Variants in PCDHB14 observed in about 807,000 individuals in gnomAD.
PCDHB14 encodes the protein protocadherin beta 14.
For missense variants in PCDHB14, 1,129 were observed against 1,000.5 expected, an observed-to-expected ratio of 1.13 and a Z score of -1.73; for synonymous variants, 511 against 441.5, an observed-to-expected ratio of 1.16 and a Z score of -1.97.
Position 141,224,452 on chromosome 5 carries a change from C to T in PCDHB14, c.947C>T (p.Thr316Ile), listed in dbSNP as rs2149685802. 2 of 1,611,372 alleles carry T rather than the reference C, an allele frequency of 1.2e-6. No individual in the cohort carries two copies. Among genetic ancestry groups the T allele is most frequent in the South Asian group, 2.2e-5 (2 of 90,582 alleles). ...GATTTTGAAGTAATACAGTCCTACACTATAAATATTCAGGCAACAGATGGT... is the reference window on the plus strand; with the variant it reads ...GATTTTGAAGTAATACAGTCCTACATTATAAATATTCAGGCAACAGATGGT... ...PLDFEVIQSYTINIQATDGGG... is the reference protein window; with the variant it reads ...PLDFEVIQSYIINIQATDGGG... Residue 316 changes from threonine to isoleucine, a missense_variant, in exon 1 of 1, where the codon ACT becomes ATT. Thr to Ile is a moderately conservative substitution (Grantham distance 89). Transcript: ENST00000239449.
chr5:141,226,008 AT>A lies in PCDHB14; in HGVS notation c.*108del. The A allele has an allele frequency of 1.0e-6, 1 of 966,978 alleles. No individual in the cohort carries two copies. Among genetic ancestry groups the A allele is most frequent in the Non-Finnish European group, 1.5e-6 (1 of 650,734 alleles). The allele number at this position is 966,978 out of a possible 1,614,324, so 59.9% of individuals were successfully genotyped here. On this transcript the variant is annotated 3_prime_UTR_variant, in exon 1 of 1. Transcript: ENST00000239449. ...TGGTTGTACTGTAGTTGCATGCATGATTATAGCTCTTGTTTTTCTCACAGTT... is the reference window on the plus strand; with the variant it reads ...TGGTTGTACTGTAGTTGCATGCATGATATAGCTCTTGTTTTTCTCACAGTT...
chr5:141,224,504 T>G lies in PCDHB14; in HGVS notation c.999T>G (p.Leu333=). 6.2e-7 allele frequency: 1 copy of G among 1,613,522 alleles called. No individual in the cohort carries two copies. Residue 333 remains leucine (L), a synonymous_variant, in exon 1 of 1, where the codon CTT becomes CTG. Coordinates refer to ENST00000239449, the MANE Select transcript of PCDHB14 (RefSeq NM_018934.4). ...DGGGLSGKCT[L]LVKVMDINDN... is the part of the protein sequence containing the mutation. Reference sequence around the variant, plus strand: ...GGGGTCTTTCAGGAAAATGCACCCTTCTAGTTAAAGTTATGGATATAAACG... The same window carrying G: ...GGGGTCTTTCAGGAAAATGCACCCTGCTAGTTAAAGTTATGGATATAAACG...
In PCDHB14 at chr5:141,223,454, C is replaced by A; in HGVS notation, c.-52C>A. The stretch of plus-strand genomic sequence containing the variant: ...TGTTAAAAACCAGAGCTTCAGCTTC[C>A]AAAATTACGGCTGAGCTTCAGTTTT... On this transcript the variant is annotated 5_prime_UTR_variant, in exon 1 of 1. Coordinates refer to ENST00000239449, the MANE Select transcript of PCDHB14 (RefSeq NM_018934.4). 1 of 1,423,634 alleles carries A rather than the reference C, an allele frequency of 7.0e-7. No homozygotes were observed. The highest frequency in any genetic ancestry group is 9.6e-7 in the Non-Finnish European group (1 of 1,038,850). 88.2% of individuals were successfully genotyped at this position (1,423,634 alleles called of 1,614,324 possible).
chr5:141,224,930 C>T lies in PCDHB14; in HGVS notation c.1425C>T (p.Ala475=), dbSNP rs1400615723. 382 of 1,612,796 alleles carry T rather than the reference C, an allele frequency of 2.4e-4. No homozygotes were observed. Among genetic ancestry groups the T allele is most frequent in the Admixed American group, 6.2e-4 (37 of 60,008 alleles). The change falls in exon 1 of 1, where the codon GCC becomes GCT. Residue 475 remains alanine, a synonymous_variant. Transcript: ENST00000239449. ...SPALHIGSVS[A]TDRDSGTNAQ... is the part of the protein sequence containing the mutation. The stretch of plus-strand genomic sequence containing the variant: ...CCCTGCACATCGGCAGCGTCAGCGC[C>T]ACAGACAGAGACTCAGGCACCAACG...
Position 141,225,946 on chromosome 5 carries a change from G to A in PCDHB14, c.*44G>A. On this transcript the variant is annotated 3_prime_UTR_variant, in exon 1 of 1. Coordinates refer to ENST00000239449, the MANE Select transcript of PCDHB14 (RefSeq NM_018934.4). ...TCTAATTTTTGGTTATTCTTGGCAA[G>A]CTGATGGTACTTTTTGCATAATCTT... The A allele has an allele frequency of 6.6e-7, 1 of 1,515,556 alleles. No homozygotes were observed. The highest frequency in any genetic ancestry group is 9.0e-7 in the Non-Finnish European group (1 of 1,112,806). 93.9% of individuals were successfully genotyped at this position (1,515,556 alleles called of 1,614,324 possible).
chr5:141,224,212 A>G lies in PCDHB14; in HGVS notation c.707A>G (p.Asn236Ser), dbSNP rs782558923. The change falls in exon 1 of 1, where the codon AAT (asparagine) becomes AGT (serine). Residue 236 changes from asparagine to serine, a missense_variant. Coordinates refer to ENST00000239449, the MANE Select transcript of PCDHB14 (RefSeq NM_018934.4). Reference sequence around the variant, plus strand: ...GTTCTCATCAAGGTGTTGGACATCAATGATAATGCCCCTGAGTTTCCTCAG... The same window carrying G: ...GTTCTCATCAAGGTGTTGGACATCAGTGATAATGCCCCTGAGTTTCCTCAG... ...TLVLIKVLDINDNAPEFPQSL... is the reference protein window; with the variant it reads ...TLVLIKVLDISDNAPEFPQSL... 46 of 1,613,790 alleles carry G rather than the reference A, an allele frequency of 2.9e-5. No homozygotes were observed. Among genetic ancestry groups the G allele is most frequent in the Non-Finnish European group, 3.4e-5 (40 of 1,179,896 alleles).
Position 141,225,590 on chromosome 5 carries a change from C to T in PCDHB14, c.2085C>T (p.Ala695=), listed in dbSNP as rs4080545. ...CCGTCTACCTGGTGGTGGCATTGGC[C>T]TCGGTGTCGTCGCTCTTCCTCTTCT... The part of the protein sequence containing the change: ...SLTVYLVVAL[A]SVSSLFLFSV... The change falls in exon 1 of 1, where the codon GCC becomes GCT. Residue 695 remains alanine, a synonymous_variant. Coordinates refer to ENST00000239449, the MANE Select transcript of PCDHB14 (RefSeq NM_018934.4). 1 of 1,611,538 alleles carries T rather than the reference C, an allele frequency of 6.2e-7. No individual in the cohort carries two copies. Among genetic ancestry groups the T allele is most frequent in the Non-Finnish European group, 8.5e-7 (1 of 1,179,820 alleles).
chr5:141,224,515 T>C lies in PCDHB14; in HGVS notation c.1010T>C (p.Val337Ala). The C allele has an allele frequency of 6.2e-7, 1 of 1,612,972 alleles. No individual in the cohort carries two copies. Among genetic ancestry groups the C allele is most frequent in the African/African-American group, 1.3e-5 (1 of 74,904 alleles). Residue 337 changes from valine to alanine, a missense_variant, in exon 1 of 1, where the codon GTT becomes GCT. Val to Ala is a moderately conservative substitution (Grantham distance 64, BLOSUM62 0). Coordinates refer to ENST00000239449, the MANE Select transcript of PCDHB14 (RefSeq NM_018934.4). ...GGAAAATGCACCCTTCTAGTTAAAG[T>C]TATGGATATAAACGACAACCCACCA... ...LSGKCTLLVK[V>A]MDINDNPPEV... is the part of the protein sequence containing the mutation.
Position 141,224,808 on chromosome 5 carries a change from T to C in PCDHB14, c.1303T>C (p.Tyr435His), listed in dbSNP as rs781996013. The C allele has an allele frequency of 2.0e-5, 33 of 1,613,586 alleles. No individual in the cohort carries two copies. The Admixed American group carries it at 3.3e-4, about 16-fold the overall frequency. ...DLGTPRLKTE[Y>H]NITVLLSDVN... ...GGGGACACCCAGGCTGAAAACCGAG[T>C]ACAACATAACCGTGCTGCTCTCTGA... The change falls in exon 1 of 1, where the codon TAC becomes CAC. Residue 435 changes from tyrosine (Y) to histidine (H), a missense_variant. Tyr to His is a moderately conservative substitution (Grantham distance 83). Transcript: ENST00000239449.
At position 141,224,358 on chromosome 5, in the gene PCDHB14, T is replaced by A; in HGVS notation, c.853T>A (p.Ser285Thr). ...GKISYTFFHA[S>T]EDIRKTFEIN... ...AATATCTTACACATTTTTCCATGCA[T>A]CAGAAGATATTCGTAAAACATTTGA... The change falls in exon 1 of 1, where the codon TCA (serine) becomes ACA (threonine). Residue 285 changes from serine to threonine, a missense_variant. Transcript: ENST00000239449. 2 of 1,610,368 alleles carry A rather than the reference T, an allele frequency of 1.2e-6. No individual in the cohort carries two copies. Among genetic ancestry groups the A allele is most frequent in the South Asian group, 2.2e-5 (2 of 90,082 alleles).
At position 141,225,178 on chromosome 5, in the gene PCDHB14, C is replaced by T; in HGVS notation, c.1673C>T (p.Ser558Leu). 6.2e-7 allele frequency: 1 copy of T among 1,610,504 alleles called. No homozygotes were observed. Among genetic ancestry groups the T allele is most frequent in the Non-Finnish European group, 8.5e-7 (1 of 1,179,538 alleles). Residue 558 changes from serine to leucine, a missense_variant, in exon 1 of 1, where the codon TCG becomes TTG. Physicochemically the swap from Ser to Leu is moderately radical, Grantham distance 145. Coordinates refer to ENST00000239449, the MANE Select transcript of PCDHB14 (RefSeq NM_018934.4). The part of the protein sequence containing the change: ...RVLVLDANDN[S>L]PFVLYPLQNG... ...CTGGTGCTGGACGCCAACGACAACT[C>T]GCCCTTCGTGCTGTACCCGCTGCAG...
chr5:141,223,633 C>CT lies in PCDHB14; in HGVS notation c.132dup (p.Val45CysfsTer3). 1 of 1,614,134 alleles carries CT rather than the reference C, an allele frequency of 6.2e-7. No individual in the cohort carries two copies. Among genetic ancestry groups the CT allele is most frequent in the Non-Finnish European group, 8.5e-7 (1 of 1,180,020 alleles). On this transcript the variant is annotated frameshift_variant, in exon 1 of 1. Coordinates refer to ENST00000239449, the MANE Select transcript of PCDHB14 (RefSeq NM_018934.4). LOFTEE classifies it low-confidence loss of function (END_TRUNC). ...GTGGCAGAGGAAACAGAAATTGGCTCTTTTGTGGCTAATCTAGCGAGGGAC... is the reference window on the plus strand; with the variant it reads ...GTGGCAGAGGAAACAGAAATTGGCTCTTTTTGTGGCTAATCTAGCGAGGGAC...
Position 141,225,073 on chromosome 5 carries a change from C to G in PCDHB14, c.1568C>G (p.Ala523Gly), listed in dbSNP as rs1754815386. 1 of 1,612,402 alleles carries G rather than the reference C, an allele frequency of 6.2e-7. No homozygotes were observed. The highest frequency in any genetic ancestry group is 8.5e-7 in the Non-Finnish European group (1 of 1,179,892). ...LFALRSLDYE[A>G]LQEFEFRVGA... ...GCCCTCAGGTCGCTGGACTACGAGGCCCTACAGGAGTTCGAGTTTCGCGTG... is the reference window on the plus strand; with the variant it reads ...GCCCTCAGGTCGCTGGACTACGAGGGCCTACAGGAGTTCGAGTTTCGCGTG... Residue 523 changes from alanine to glycine, a missense_variant, in exon 1 of 1, where the codon GCC (alanine) becomes GGC (glycine). Coordinates refer to ENST00000239449, the MANE Select transcript of PCDHB14 (RefSeq NM_018934.4).
In PCDHB14 at chr5:141,225,492, G is replaced by A. The variant is rs782423018; in HGVS notation, c.1987G>A (p.Val663Met). The stretch of plus-strand genomic sequence containing the variant: ...CACCGCCACGCTGCACGTGCTCCTG[G>A]TGGACGGCTTCTCCCAGCCCTACCT... ...SATATLHVLL[V>M]DGFSQPYLPL... The change falls in exon 1 of 1, where the codon GTG becomes ATG. Residue 663 changes from valine to methionine, a missense_variant. By Grantham distance (21) the Val-to-Met change is conservative. Coordinates refer to ENST00000239449, the MANE Select transcript of PCDHB14 (RefSeq NM_018934.4). The A allele has an allele frequency of 4.4e-6, 7 of 1,606,778 alleles. No individual in the cohort carries two copies. Among genetic ancestry groups the A allele is most frequent in the Middle Eastern group, 2.1e-4 (1 of 4,778 alleles).
In PCDHB14 at chr5:141,226,028, C is replaced by T; in HGVS notation, c.*126C>T. On this transcript the variant is annotated 3_prime_UTR_variant, in exon 1 of 1. Transcript: ENST00000239449. ...GCATGATTATAGCTCTTGTTTTTCT[C>T]ACAGTTTCTTTAAAAATCTTTATTA... 1 of 856,400 alleles carries T rather than the reference C, an allele frequency of 1.2e-6. No homozygotes were observed. The highest frequency in any genetic ancestry group is 1.8e-6 in the Non-Finnish European group (1 of 562,246). The allele number at this position is 856,400 out of a possible 1,614,324, so 53.1% of individuals were successfully genotyped here.
chr5:141,224,683 T>A lies in PCDHB14; in HGVS notation c.1178T>A (p.Leu393Gln), dbSNP rs782511900. ...CSIQDNLPFF[L>Q]KPTFKNFFTL... is the part of the protein sequence containing the mutation. Reference sequence around the variant, plus strand: ...ATTCAAGATAACCTCCCTTTTTTCCTGAAACCGACCTTCAAGAACTTTTTC... The same window carrying A: ...ATTCAAGATAACCTCCCTTTTTTCCAGAAACCGACCTTCAAGAACTTTTTC... Residue 393 changes from leucine to glutamine, a missense_variant, in exon 1 of 1, where the codon CTG (leucine) becomes CAG (glutamine). Transcript: ENST00000239449. 1 of 1,614,146 alleles carries A rather than the reference T, an allele frequency of 6.2e-7. No homozygotes were observed. The highest frequency in any genetic ancestry group is 2.2e-5 in the East Asian group (1 of 44,868).
Position 141,226,015 on chromosome 5 carries a change from C to A in PCDHB14, c.*113C>A. The A allele has an allele frequency of 1.1e-6, 1 of 928,356 alleles. No homozygotes were observed. The highest frequency in any genetic ancestry group is 1.8e-5 in the South Asian group (1 of 54,440). The allele number at this position is 928,356 out of a possible 1,614,324, so 57.5% of individuals were successfully genotyped here. ...ACTGTAGTTGCATGCATGATTATAG[C>A]TCTTGTTTTTCTCACAGTTTCTTTA... is the stretch of plus-strand genomic sequence containing the variant. On this transcript the variant is annotated 3_prime_UTR_variant, in exon 1 of 1. Transcript: ENST00000239449.
Position 141,224,294 on chromosome 5 carries a change from C to G in PCDHB14, c.789C>G (p.Thr263=). The change falls in exon 1 of 1, where the codon ACC becomes ACG. Residue 263 remains threonine (T), a synonymous_variant. Transcript: ENST00000239449. ...GACCCCTTGGCTCCTGGATTGCCAC[C>G]ATCTCAGCTAAGGATCTGGATGCAG... ...EDRPLGSWIA[T]ISAKDLDAGN... is the part of the protein sequence containing the mutation. 6.2e-7 allele frequency: 1 copy of G among 1,614,088 alleles called. No homozygotes were observed. Among genetic ancestry groups the G allele is most frequent in the Non-Finnish European group, 8.5e-7 (1 of 1,179,980 alleles).
rs1488138840 is a variant in PCDHB14 at position 141,224,558 on chromosome 5, G to C, written c.1053G>C (p.Ser351=). 6.2e-7 allele frequency: 1 copy of C among 1,612,666 alleles called. No individual in the cohort carries two copies. The highest frequency in any genetic ancestry group is 1.1e-5 in the South Asian group (1 of 90,816). ...NDNPPEVTIS[S]ITKRIPENAS... is the part of the protein sequence containing the mutation. Reference sequence around the variant, plus strand: ...ACCCACCAGAAGTGACCATATCGTCGATTACAAAGAGAATTCCAGAGAATG... The same window carrying C: ...ACCCACCAGAAGTGACCATATCGTCCATTACAAAGAGAATTCCAGAGAATG... Residue 351 remains serine (S), a synonymous_variant, in exon 1 of 1, where the codon TCG becomes TCC. Transcript: ENST00000239449.
Sources: allele counts gnomAD v4.1 joint callset, GRCh38; gene constraint gnomAD v4.1.1; transcripts MANE v1.5; gene names NCBI Gene and HGNC (gene_info 2026-07-23, HGNC 2026-07-21).